The following RNF130 variants were observed in gnomAD, a reference collection of about 807,000 sequenced individuals.
RNF130 encodes ring finger protein 130, also known as E3 ubiquitin-protein ligase RNF130.
RNF130 carries 21 observed loss-of-function variants against 44.6 expected under a neutral mutation model. The observed-to-expected ratio is 0.47, with a 90% CI of 0.33 to 0.68. The LOEUF is 0.68. Among genes scored for constraint, RNF130 ranks in the 30% least tolerant of loss-of-function variants. The probability of loss-of-function intolerance (pLI) is 0.02; values close to 1 mark genes in which losing one functional copy is unlikely to be tolerated. For synonymous variants in RNF130, 214 were observed against 210.4 expected (o/e 1.02, Z -0.15); for missense variants, 479 against 560.6 (o/e 0.85, Z 1.47).
chr5:180,056,070 C>G (rs187739389), intron 1 of RNF130, among the ~76,000 whole-genome samples: 1 of 151,334 alleles, frequency 6.6e-6, no homozygotes, highest in African/African-American at 2.4e-5. Flanking sequence ...GGCGACAGAG[C>G]GAAACTGGGT....
At chr5:179,982,389 T>C (rs1443656866) in intron 3 of RNF130, among the ~76,000 whole-genome samples, 1 of 152,020 alleles carries the variant, frequency 6.6e-6, no homozygotes. Context: ...CTTTCTTTTT[T>C]CCTGAGGTAA....
intron 2 of RNF130, among the ~76,000 whole-genome samples, chr5:180,013,804 G>A (rs1409711833): frequency 6.6e-6 from 1 of 152,148 alleles, no homozygotes; most frequent in African/African-American, 2.4e-5. Flanking sequence ...AACATTCATG[G>A]AGTACCCACT....
chr5:179,945,880 C>T lies in RNF130; in HGVS notation c.1150+20926G>A, dbSNP rs370658766. On this transcript the variant is annotated intron_variant, in intron 7 of 7. Coordinates refer to the RNF130 transcript ENST00000522208. Reference sequence around the variant, plus strand: ...GGAGCCTGAGCTGCATGCATTTATACCCACTCAACAATAAATGCCCGGAGG... The same window carrying T: ...GGAGCCTGAGCTGCATGCATTTATATCCACTCAACAATAAATGCCCGGAGG... Among the ~76,000 whole-genome samples the T allele has an allele frequency of 9.0e-4, 136 of 150,420 alleles. 1 individual carries two copies. Among genetic ancestry groups the T allele is most frequent in the Non-Finnish European group, 1.2e-3 (79 of 67,652 alleles).
intron 1 of RNF130, among the ~76,000 whole-genome samples, chr5:180,069,505 G>C (rs1765196530): frequency 6.6e-6 from 1 of 151,964 alleles, no homozygotes. Context: ...AAACTCAAGG[G>C]GACTGACTTC....
At chr5:180,011,481 C>A (rs1304275875) in intron 3 of RNF130, among the ~76,000 whole-genome samples, 1 of 152,244 alleles carries the variant, frequency 6.6e-6, no homozygotes, top group Non-Finnish European at 1.5e-5. Flanking sequence ...GGTATATATA[C>A]AAAGGTTGAG....
At chr5:180,068,842 A>ACC (rs1348378451) in intron 1 of RNF130, among the ~76,000 whole-genome samples, 2 of 152,164 alleles carry the variant, frequency 1.3e-5, no homozygotes, top group African/African-American at 2.4e-5. Context: ...TTCCACCAGG[A>ACC]CCTGTCTGAT....
intron 2 of RNF130, among the ~76,000 whole-genome samples, chr5:180,037,490 T>C (rs1405859741): frequency 6.6e-6 from 1 of 152,200 alleles, no homozygotes; most frequent in Non-Finnish European, 1.5e-5. Context: ...ACAGAGCACG[T>C]CAGTGGAAAA....
At chr5:180,011,868 C>T (rs1384357775) in intron 3 of RNF130, among the ~76,000 whole-genome samples, 2 of 151,992 alleles carry the variant, frequency 1.3e-5, no homozygotes, top group African/African-American at 4.8e-5. Flanking sequence ...GGAATACTTG[C>T]CACTTATCTT....
intron 7 of RNF130, among the ~76,000 whole-genome samples, chr5:179,931,032 C>CAAAAAA (rs34266288): frequency 6.7e-5 from 5 of 74,298 alleles, no homozygotes; most frequent in Admixed American, 1.6e-4. Context: ...ACCTCTGTCT[C>CAAAAAA]AAAAAAAAAA....
Position 180,031,147 on chromosome 5 carries a change from C to T in RNF130, c.442+9306G>A, listed in dbSNP as rs1157705631. 2.6e-5 allele frequency among the ~76,000 whole-genome samples: 4 copies of T among 152,164 alleles called. No homozygotes were observed. The East Asian group carries it at 5.8e-4, about 22-fold the overall frequency. Reference sequence around the variant, plus strand: ...CATATATAACAAAGTATGTATTAATCGACTATGTTATCAGTGAGGCTTTTG... The same window carrying T: ...CATATATAACAAAGTATGTATTAATTGACTATGTTATCAGTGAGGCTTTTG... On this transcript the variant is annotated intron_variant, in intron 2 of 8. Coordinates refer to ENST00000521389, the MANE Select transcript of RNF130 (RefSeq NM_018434.6).
intron 4 of RNF130, 99 bp downstream of exon 4, chr5:179,980,030 C>T (rs1283073381): frequency 1.6e-5 from 15 of 946,620 alleles, no homozygotes; most frequent in Non-Finnish European, 2.0e-5. Flanking sequence ...GAAAATCTAA[C>T]GAATGAAATG....
chr5:180,019,476 G>C (rs988436686), intron 2 of RNF130, among the ~76,000 whole-genome samples: 1 of 152,130 alleles, frequency 6.6e-6, no homozygotes, highest in Non-Finnish European at 1.5e-5. Flanking sequence ...ACATGGGGCA[G>C]AGCCCTGGCT....
chr5:180,015,373 T>G (rs1028729442), intron 2 of RNF130: 3 of 533,194 alleles, frequency 5.6e-6, no homozygotes, highest in Non-Finnish European at 7.7e-6. Context: ...TCAGTCTCAT[T>G]GCTTTATAAT....
downstream of RNF130, among the ~76,000 whole-genome samples, chr5:179,951,171 G>A (rs377747673): frequency 3.3e-5 from 5 of 152,200 alleles, no homozygotes; most frequent in South Asian, 2.1e-4. Context: ...CTTCAACCCC[G>A]TATGCACCTA....
At chr5:180,005,088 A>C (rs955521270) in intron 3 of RNF130, among the ~76,000 whole-genome samples, 2 of 152,062 alleles carry the variant, frequency 1.3e-5, no homozygotes, top group Admixed American at 6.5e-5. Context: ...CTTCTCCCTA[A>C]GTCTCTCGCA....
intron 7 of RNF130, among the ~76,000 whole-genome samples, chr5:179,937,925 TGTGTGTGTGAGA>T (rs986386269): frequency 5.1e-5 from 7 of 136,324 alleles, no homozygotes; most frequent in African/African-American, 1.5e-4. Context: ...TGTGTGTGTG[TGTGTGTGTGAGA>T]GAGAGAGAGA....
rs563371364 is a variant in RNF130 at position 180,034,236 on chromosome 5, T to C, written c.442+6217A>G. Among the ~76,000 whole-genome samples, 7 of 152,144 alleles carry C rather than the reference T, an allele frequency of 4.6e-5. No homozygotes were observed. In the South Asian group the frequency reaches 1.2e-3, roughly 27 times the overall value. ...AAAACCATATATCCCATTCCTGGGG[T>C]AATGAATCTAATCCATTTTATATAT... On this transcript the variant is annotated intron_variant, in intron 2 of 8. Transcript: ENST00000521389.
intron 3 of RNF130, among the ~76,000 whole-genome samples, chr5:179,986,367 T>C (rs1360738878): frequency 6.6e-6 from 1 of 152,226 alleles, no homozygotes; most frequent in East Asian, 1.9e-4. Flanking sequence ...ACGTCATGAC[T>C]TCTCTCCGCT....
intron 3 of RNF130, among the ~76,000 whole-genome samples, chr5:179,987,304 A>G (rs1363213847): frequency 6.6e-6 from 1 of 152,118 alleles, no homozygotes; most frequent in East Asian, 1.9e-4. Context: ...AATACCTGGG[A>G]CTATAGGCAC....
Sources: allele counts gnomAD v4.1 joint callset (sites outside exome capture counted in the v4.1 genomes callset), GRCh38; gene constraint gnomAD v4.1.1; transcripts MANE v1.5; gene names NCBI Gene and HGNC (gene_info 2026-07-23, HGNC 2026-07-21).